The following DCLK2 variants were observed in gnomAD, a reference collection of about 807,000 sequenced individuals.
DCLK2 encodes the protein doublecortin like kinase 2, also known as serine/threonine-protein kinase DCLK2.
DCLK2 carries 31 observed loss-of-function variants against 78.4 expected under a neutral mutation model. The observed-to-expected ratio is 0.40, with a 90% CI of 0.30 to 0.53. DCLK2 has a LOEUF of 0.53. Ranked by LOEUF, DCLK2 falls within the 20% of genes least tolerant of loss-of-function variation. The pLI, the probability that DCLK2 is intolerant of heterozygous loss-of-function variation, is 0.61. For synonymous variants in DCLK2, 407 were observed against 374.9 expected (o/e 1.09, Z -0.99); for missense variants, 872 against 973.7 (o/e 0.90, Z 1.39).
Position 150,224,779 on chromosome 4 carries a change from A to G in DCLK2, c.1299+221A>G, listed in dbSNP as rs186549639. 5.3e-5 allele frequency among the ~76,000 whole-genome samples: 8 copies of G among 152,272 alleles called. No individual in the cohort carries two copies. In the East Asian group the frequency reaches 1.5e-3, roughly 29 times the overall value. The stretch of plus-strand genomic sequence containing the variant: ...ATTTGATCTTGGTCCTAACTAGAAA[A>G]CGTAGATTCTTTTCTCTGGGAGATA... On this transcript the variant is annotated intron_variant, in intron 8 of 15. Transcript: ENST00000296550.
At chr4:150,164,987 GACA>G (rs1399634772) in intron 2 of DCLK2, among the ~76,000 whole-genome samples, 1 of 152,170 alleles carries the variant, frequency 6.6e-6, no homozygotes, top group Non-Finnish European at 1.5e-5. Flanking sequence ...ACCAATTTAT[GACA>G]ACACTTGTTT....
intron 1 of DCLK2, among the ~76,000 whole-genome samples, chr4:150,080,132 A>G (rs72730321): frequency 0.15 from 20,717 of 142,520 alleles, 1,950 homozygotes; most frequent in Middle Eastern, 0.21. Flanking sequence ...AGGTGATTCT[A>G]ATGTGGGACC....
At chr4:150,243,127 A>T (rs548637281) in intron 12 of DCLK2, among the ~76,000 whole-genome samples, 88 of 152,242 alleles carry the variant, frequency 5.8e-4, no homozygotes, top group Admixed American at 1.6e-3. Context: ...TTTACTTTTT[A>T]AAAAAAGTGA....
At chr4:150,149,527 G>A (rs1327588606) in intron 2 of DCLK2, among the ~76,000 whole-genome samples, 2 of 152,176 alleles carry the variant, frequency 1.3e-5, no homozygotes, top group African/African-American at 2.4e-5. Flanking sequence ...GAATCAGCAA[G>A]GTTTTATTGC....
At chr4:150,225,665 A>G (rs1741547650) in intron 8 of DCLK2, among the ~76,000 whole-genome samples, 2 of 152,264 alleles carry the variant, frequency 1.3e-5, no homozygotes. Flanking sequence ...CCTCATTAAT[A>G]TCTTTGTATA....
intron 1 of DCLK2, among the ~76,000 whole-genome samples, chr4:150,099,910 GT>G (rs1279152583): frequency 6.6e-6 from 1 of 152,124 alleles, no homozygotes; most frequent in African/African-American, 2.4e-5. Flanking sequence ...TAGTCTACAA[GT>G]TTGGTTTGTT....
chr4:150,130,664 T>TG (rs1285722456), intron 2 of DCLK2, among the ~76,000 whole-genome samples: 1 of 152,064 alleles, frequency 6.6e-6, no homozygotes, highest in East Asian at 1.9e-4. Flanking sequence ...AAAACTGCTT[T>TG]GGGGTCATTC....
intron 14 of DCLK2, 30 bp from the exon 15 acceptor site, chr4:150,249,538 C>G (rs1387082654): frequency 1.3e-6 from 2 of 1,586,934 alleles, no homozygotes; most frequent in Non-Finnish European, 8.7e-7. Context: ...ATGGAAAAAG[C>G]ATTGTATTTG....
intron 2 of DCLK2, among the ~76,000 whole-genome samples, chr4:150,132,758 A>G (rs534300629): frequency 1.3e-5 from 2 of 152,244 alleles, no homozygotes; most frequent in African/African-American, 4.8e-5. Context: ...TCACCCAGCT[A>G]ATTTTTAAAT....
intron 2 of DCLK2, among the ~76,000 whole-genome samples, chr4:150,127,296 C>T (rs1038662048): frequency 7.9e-5 from 12 of 152,098 alleles, no homozygotes; most frequent in African/African-American, 2.9e-4. Context: ...TGGTTCTTGC[C>T]CACACCAGTT....
At chr4:150,117,640 C>T (rs952537779) in intron 2 of DCLK2, among the ~76,000 whole-genome samples, 12 of 152,180 alleles carry the variant, frequency 7.9e-5, no homozygotes, top group African/African-American at 1.9e-4. Flanking sequence ...CCTCCATCCC[C>T]GCTGGAGTCT....
At chr4:150,252,133 T>A (rs1744218002) in intron 15 of DCLK2, among the ~76,000 whole-genome samples, 1 of 152,230 alleles carries the variant, frequency 6.6e-6, no homozygotes, top group African/African-American at 2.4e-5. Flanking sequence ...TTAGACACTT[T>A]GAAAAGAACC....
intron 2 of DCLK2, among the ~76,000 whole-genome samples, chr4:150,133,309 A>ATT (rs35509904): frequency 8.5e-4 from 130 of 152,160 alleles, no homozygotes; most frequent in African/African-American, 2.7e-3. Flanking sequence ...CGCAACTCAG[A>ATT]TTTTTTACCT....
intron 1 of DCLK2, among the ~76,000 whole-genome samples, chr4:150,082,009 A>G (rs928787956): frequency 8.6e-5 from 13 of 151,706 alleles, no homozygotes; most frequent in African/African-American, 2.2e-4. Context: ...AAAAAAAAAA[A>G]AAAAAGAAAA....
intron 1 of DCLK2, among the ~76,000 whole-genome samples, chr4:150,081,115 G>C (rs1729233483): frequency 6.6e-6 from 1 of 152,188 alleles, no homozygotes; most frequent in Non-Finnish European, 1.5e-5. Flanking sequence ...GTTTGCTTAA[G>C]CACTTGTTAC....
chr4:150,250,494 C>G (rs998309044), intron 15 of DCLK2, among the ~76,000 whole-genome samples: 1 of 152,044 alleles, frequency 6.6e-6, no homozygotes, highest in Non-Finnish European at 1.5e-5. Context: ...AGGCAGGGAC[C>G]TTGGTTCTCC....
intron 4 of DCLK2, among the ~76,000 whole-genome samples, chr4:150,201,061 A>G (rs889259075): frequency 4.0e-5 from 6 of 151,604 alleles, no homozygotes; most frequent in Middle Eastern, 3.2e-3. Flanking sequence ...CAAGTGATCC[A>G]CCCGCCTCAG....
chr4:150,175,022 A>T (rs868266408), intron 2 of DCLK2, among the ~76,000 whole-genome samples: 40 of 47,000 alleles, frequency 8.5e-4, no homozygotes, highest in Admixed American at 1.4e-3. Flanking sequence ...ATATATATAT[A>T]TATATATATA....
intron 1 of DCLK2, among the ~76,000 whole-genome samples, chr4:150,091,767 T>TTGTGTGTGTG (rs777556852): frequency 6.0e-5 from 8 of 133,720 alleles, no homozygotes; most frequent in African/African-American, 2.0e-4. Context: ...AAAGGAACAT[T>TTGTGTGTGTG]TATGTGTGTG....
Sources: allele counts gnomAD v4.1 joint callset (sites outside exome capture counted in the v4.1 genomes callset), GRCh38; gene constraint gnomAD v4.1.1; transcripts MANE v1.5; gene names NCBI Gene and HGNC (gene_info 2026-07-23, HGNC 2026-07-21).